The following CCDC38 variants were observed in gnomAD, a reference collection of about 807,000 sequenced individuals.
CCDC38 encodes coiled-coil domain-containing protein 38.
Under a neutral mutation model 72.8 loss-of-function variants are expected in CCDC38, and 69 were observed. The ratio of observed to expected loss-of-function variants is 0.95; its 90% confidence interval spans 0.78 to 1.16. CCDC38 has a LOEUF of 1.16. Among genes scored for constraint, CCDC38 ranks in the 50% most tolerant of loss-of-function variants. CCDC38 has a pLI of 0.00. For missense variants in CCDC38, 626 were observed against 638.9 expected, an observed-to-expected ratio of 0.98 and a Z score of 0.22; for synonymous variants, 201 against 213.2, an observed-to-expected ratio of 0.94 and a Z score of 0.50.
At position 95,888,422 on chromosome 12, in the gene CCDC38, C is replaced by T. The variant is rs747814127; in HGVS notation, c.920+36G>A. On this transcript the variant is annotated intron_variant, in intron 10 of 15. Transcript: ENST00000344280. ...AAAGTTATTTGCTGAAAACCATTCC[C>T]AGTTTCCAAGGGAGTTAGTCAAGTA... 1.9e-6 allele frequency: 3 copies of T among 1,584,196 alleles called. No homozygotes were observed. In the African/African-American group the frequency reaches 4.0e-5, roughly 21 times the overall value.
In CCDC38 at chr12:95,899,035, C is replaced by T. The variant is rs184547862; in HGVS notation, c.370-304G>A. Among the ~76,000 whole-genome samples the T allele has an allele frequency of 1.1e-3, 168 of 152,250 alleles. 1 individual carries two copies. Among genetic ancestry groups the T allele is most frequent in the African/African-American group, 3.9e-3 (163 of 41,544 alleles). ...ATCTGGTATTACCTACAGTGTATTA[C>T]CCTCCAGTACTTTCTGGGAATTGGG... On this transcript the variant is annotated intron_variant, in intron 5 of 15. Transcript: ENST00000344280.
chr12:95,911,668 C>A (rs533678174), intron 4 of CCDC38, among the ~76,000 whole-genome samples: 1 of 152,106 alleles, frequency 6.6e-6, no homozygotes, highest in Admixed American at 6.5e-5. Flanking sequence ...CAATGAGATG[C>A]CGTCTCACAC....
At chr12:95,907,726 G>A (rs1386478037) in intron 4 of CCDC38, among the ~76,000 whole-genome samples, 1 of 149,090 alleles carries the variant, frequency 6.7e-6, no homozygotes, top group Middle Eastern at 3.2e-3. Flanking sequence ...TTCTCAGACA[G>A]GGCGGTTGCC....
chr12:95,933,710 A>G (rs1428288017), intron 2 of CCDC38: 2 of 152,260 alleles, frequency 1.3e-5, no homozygotes, highest in East Asian at 3.8e-4. Context: ...CTTGTATACC[A>G]GGAGATGTGA....
intron 9 of CCDC38, among the ~76,000 whole-genome samples, chr12:95,888,850 T>C (rs1206864523): frequency 1.3e-5 from 2 of 152,034 alleles, no homozygotes; most frequent in East Asian, 3.9e-4. Context: ...TTGTAGTGTG[T>C]AGTTCTGGGA....
intron 2 of CCDC38, chr12:95,934,669 T>A (rs1264201241): frequency 1.3e-5 from 2 of 149,966 alleles, no homozygotes; most frequent in African/African-American, 4.9e-5. Flanking sequence ...AGGAGTTCCT[T>A]TTATATCAGC....
chr12:95,914,140 A>G (rs2080121392), intron 4 of CCDC38, among the ~76,000 whole-genome samples: 1 of 152,232 alleles, frequency 6.6e-6, no homozygotes, highest in Admixed American at 6.5e-5. Context: ...CCTGGCCAAC[A>G]TGGCAAAACC....
chr12:95,917,000 TGTAC>T (rs1323560006), intron 4 of CCDC38, 125 bp downstream of exon 4: 2 of 549,592 alleles, frequency 3.6e-6, no homozygotes, highest in Admixed American at 8.2e-5. Flanking sequence ...TCAATCCCCA[TGTAC>T]TAAGACTCCC....
intron 4 of CCDC38, among the ~76,000 whole-genome samples, chr12:95,911,959 T>G (rs1390758041): frequency 6.6e-6 from 1 of 152,106 alleles, no homozygotes; most frequent in Non-Finnish European, 1.5e-5. Flanking sequence ...ATACAGAGAC[T>G]CAACCTAGAT....
At chr12:95,894,434 G>A (rs993151839) in intron 8 of CCDC38, among the ~76,000 whole-genome samples, 1 of 152,060 alleles carries the variant, frequency 6.6e-6, no homozygotes, top group Non-Finnish European at 1.5e-5. Flanking sequence ...ATCTCATGTT[G>A]GAATTTGGTC....
intron 9 of CCDC38, 43 bp from the exon 10 acceptor site, chr12:95,888,549 G>A: frequency 6.3e-7 from 1 of 1,588,954 alleles, no homozygotes; most frequent in Non-Finnish European, 8.6e-7. Flanking sequence ...TGGTGATGGT[G>A]GAGTGAAAAG....
intron 13 of CCDC38, among the ~76,000 whole-genome samples, chr12:95,875,657 C>T (rs79856004): frequency 0.054 from 8,233 of 152,154 alleles, 279 homozygotes; most frequent in Non-Finnish European, 0.085. Context: ...CCTAAGAATA[C>T]GTTTCCCTCC....
At chr12:95,928,102 G>A (rs2080293371) in intron 2 of CCDC38, among the ~76,000 whole-genome samples, 1 of 150,804 alleles carries the variant, frequency 6.6e-6, no homozygotes. Flanking sequence ...CTAGATTGGG[G>A]AAGTTCTCCT....
intron 2 of CCDC38, among the ~76,000 whole-genome samples, chr12:95,931,321 C>G (rs1431811928): frequency 6.6e-6 from 1 of 152,164 alleles, no homozygotes; most frequent in Non-Finnish European, 1.5e-5. Flanking sequence ...AATAAAAGGA[C>G]TCTTGGATTA....
intron 2 of CCDC38, among the ~76,000 whole-genome samples, chr12:95,924,733 G>C (rs2080249529): frequency 6.6e-6 from 1 of 150,908 alleles, no homozygotes; most frequent in African/African-American, 2.4e-5. Context: ...GTAAGGAAGG[G>C]ATCCAGTTTC....
At chr12:95,906,589 T>G in intron 4 of CCDC38, 138 bp from the exon 5 acceptor site, 1 of 599,882 alleles carries the variant, frequency 1.7e-6, no homozygotes, top group Non-Finnish European at 2.9e-6. Context: ...AATAAACCTT[T>G]TCCTAGCCAC....
chr12:95,906,102 AT>A (rs1283004159), intron 5 of CCDC38, among the ~76,000 whole-genome samples: 2 of 152,264 alleles, frequency 1.3e-5, no homozygotes, highest in South Asian at 2.1e-4. Flanking sequence ...AGAACCAGAC[AT>A]TTTCTAGAAT....
chr12:95,931,606 T>A (rs897176445), intron 2 of CCDC38, among the ~76,000 whole-genome samples: 4 of 152,208 alleles, frequency 2.6e-5, no homozygotes, highest in African/African-American at 9.6e-5. Context: ...CAAATACCAA[T>A]GAAGCCTCAA....
chr12:95,926,766 A>C (rs1402028175), intron 2 of CCDC38, among the ~76,000 whole-genome samples: 2 of 151,536 alleles, frequency 1.3e-5, no homozygotes, highest in African/African-American at 4.9e-5. Flanking sequence ...GGTTTCAAAG[A>C]ACATCTTTAT....
Sources: gnomAD v4.1 joint callset for allele counts (sites outside exome capture counted in the v4.1 genomes callset) on GRCh38, gnomAD v4.1.1 for gene constraint, MANE v1.5 for transcripts, NCBI Gene and HGNC (gene_info 2026-07-23, HGNC 2026-07-21) for gene names.